The following CCDC6 variants were observed in gnomAD, a reference collection of about 807,000 sequenced individuals.
The protein encoded by CCDC6 is coiled-coil domain-containing protein 6.
Under a neutral mutation model 56.6 loss-of-function variants are expected in CCDC6, and 20 were observed. The observed-to-expected ratio is 0.35, with a 90% CI of 0.25 to 0.51. The LOEUF (loss-of-function observed/expected upper bound fraction) is 0.51, where lower values mean the gene tolerates loss of function less well. Among genes scored for constraint, CCDC6 ranks in the 20% least tolerant of loss-of-function variants. The pLI is 0.95. For synonymous variants in CCDC6, 241 were observed against 234.4 expected (o/e 1.03, Z -0.26); for missense variants, 367 against 601.1 (o/e 0.61, Z 4.07).
chr10:59,841,710 C>T (rs144860284), intron 2 of CCDC6, among the ~76,000 whole-genome samples: 1,866 of 151,968 alleles, frequency 0.012, 46 homozygotes, highest in African/African-American at 0.043. Flanking sequence ...CTCTGTCGCC[C>T]AGGCTGGAGT....
chr10:59,866,273 C>T (rs2071176305), intron 1 of CCDC6, among the ~76,000 whole-genome samples: 1 of 152,194 alleles, frequency 6.6e-6, no homozygotes, highest in African/African-American at 2.4e-5. Flanking sequence ...TTGGAATGAT[C>T]TTGTCTTGGC....
At chr10:59,872,818 A>T (rs151313634) in intron 1 of CCDC6, among the ~76,000 whole-genome samples, 1 of 151,964 alleles carries the variant, frequency 6.6e-6, no homozygotes, top group African/African-American at 2.4e-5. Flanking sequence ...GAAAGTGCAT[A>T]AGCAGTAACT....
intron 1 of CCDC6, among the ~76,000 whole-genome samples, chr10:59,885,093 AG>A (rs1202311375): frequency 6.6e-6 from 1 of 151,550 alleles, no homozygotes; most frequent in Non-Finnish European, 1.5e-5. Context: ...AAGGAAAGAA[AG>A]GAAGGAAGGA....
At chr10:59,838,450 A>G (rs191590469) in intron 2 of CCDC6, among the ~76,000 whole-genome samples, 1 of 152,192 alleles carries the variant, frequency 6.6e-6, no homozygotes, top group Non-Finnish European at 1.5e-5. Flanking sequence ...ACTCACTGGC[A>G]TAACATTCAA....
At chr10:59,841,360 C>T (rs1335002796) in intron 2 of CCDC6, among the ~76,000 whole-genome samples, 1 of 152,230 alleles carries the variant, frequency 6.6e-6, no homozygotes, top group Non-Finnish European at 1.5e-5. Context: ...ATGCCCTTTA[C>T]AGTGTTCTAT....
rs1186936598 is a variant in CCDC6 at position 59,874,945 on chromosome 10, G to A, written c.304-22243C>T. ...TTGGACTTCTAACCTATACAACTAT[G>A]AGATGATAAATCTATGTTACTTCAG... On this transcript the variant is annotated intron_variant, in intron 1 of 8. Coordinates refer to ENST00000263102, the MANE Select transcript of CCDC6 (RefSeq NM_005436.5). 2.0e-5 allele frequency among the ~76,000 whole-genome samples: 3 copies of A among 152,324 alleles called. No individual in the cohort carries two copies. The East Asian group carries it at 5.8e-4, about 29-fold the overall frequency.
At chr10:59,875,074 TAAGAAC>T (rs2071266795) in intron 1 of CCDC6, among the ~76,000 whole-genome samples, 1 of 152,236 alleles carries the variant, frequency 6.6e-6, no homozygotes, top group African/African-American at 2.4e-5. Context: ...TTGCCATGAT[TAAGAAC>T]AAGTGAAAAT....
At chr10:59,881,015 C>A (rs1426487388) in intron 1 of CCDC6, among the ~76,000 whole-genome samples, 1 of 151,910 alleles carries the variant, frequency 6.6e-6, no homozygotes, top group African/African-American at 2.4e-5. Context: ...GTCTGCCCGA[C>A]CCCCTGCTGC....
intron 2 of CCDC6, among the ~76,000 whole-genome samples, chr10:59,847,408 A>G (rs2071002446): frequency 6.6e-6 from 1 of 152,138 alleles, no homozygotes; most frequent in Non-Finnish European, 1.5e-5. Flanking sequence ...AGTGGAGTGA[A>G]TCATACAAAG....
intron 3 of CCDC6, among the ~76,000 whole-genome samples, chr10:59,816,171 T>C (rs1007566120): frequency 6.6e-6 from 1 of 152,110 alleles, no homozygotes; most frequent in Non-Finnish European, 1.5e-5. Flanking sequence ...TGAGCCAGAA[T>C]GAATATGCAT....
intron 1 of CCDC6, among the ~76,000 whole-genome samples, chr10:59,859,080 C>T (rs1052777363): frequency 2.0e-5 from 3 of 152,054 alleles, no homozygotes; most frequent in African/African-American, 4.8e-5. Flanking sequence ...AAGAGCTTAT[C>T]CTAGTGCCTT....
At chr10:59,842,888 G>T (rs938345661) in intron 2 of CCDC6, among the ~76,000 whole-genome samples, 7 of 152,010 alleles carry the variant, frequency 4.6e-5, no homozygotes, top group Admixed American at 4.6e-4. Context: ...CGAGTAGCTG[G>T]GACTACAGGC....
At chr10:59,905,587 C>G (rs1326983445) in intron 1 of CCDC6, among the ~76,000 whole-genome samples, 1 of 152,190 alleles carries the variant, frequency 6.6e-6, no homozygotes, top group Non-Finnish European at 1.5e-5. Flanking sequence ...ACTCCACTTC[C>G]CGGATTCCCG....
chr10:59,818,499 G>GGGA (rs1554883207), intron 3 of CCDC6, among the ~76,000 whole-genome samples: 1 of 116,074 alleles, frequency 8.6e-6, no homozygotes, highest in Non-Finnish European at 1.8e-5. Context: ...TGTTGACGGG[G>GGGA]GGGGGGGAAG....
intron 3 of CCDC6, among the ~76,000 whole-genome samples, chr10:59,816,125 C>T (rs1457929932): frequency 6.6e-6 from 1 of 152,132 alleles, no homozygotes; most frequent in Non-Finnish European, 1.5e-5. Flanking sequence ...GAGCACAGGA[C>T]AGCCAATGAA....
intron 2 of CCDC6, among the ~76,000 whole-genome samples, chr10:59,842,802 G>A (rs72809579): frequency 0.1 from 14,940 of 145,034 alleles, 792 homozygotes; most frequent in East Asian, 0.16. Flanking sequence ...CACCCAGGCT[G>A]GAGTGCAGTG....
chr10:59,893,163 T>C (rs1291604354), intron 1 of CCDC6, among the ~76,000 whole-genome samples: 1 of 152,162 alleles, frequency 6.6e-6, no homozygotes, highest in Non-Finnish European at 1.5e-5. Flanking sequence ...ATCTATTAAA[T>C]ATATTGAGAT....
chr10:59,826,151 C>T (rs2070786345), intron 3 of CCDC6, among the ~76,000 whole-genome samples: 1 of 152,148 alleles, frequency 6.6e-6, no homozygotes, highest in South Asian at 2.1e-4. Context: ...ATCTGGCATT[C>T]ACTGTAAAGA....
At chr10:59,866,843 T>G (rs776501801) in intron 1 of CCDC6, among the ~76,000 whole-genome samples, 1 of 152,170 alleles carries the variant, frequency 6.6e-6, no homozygotes, top group Admixed American at 6.5e-5. Flanking sequence ...AAAGTCAACA[T>G]TATTTACGCT....
Sources: gnomAD v4.1 joint callset for allele counts (sites outside exome capture counted in the v4.1 genomes callset) on GRCh38, gnomAD v4.1.1 for gene constraint, MANE v1.5 for transcripts, NCBI Gene and HGNC (gene_info 2026-07-23, HGNC 2026-07-21) for gene names.